DISC1: variants seen among roughly 807,000 people sequenced by gnomAD.
DISC1 encodes the protein disrupted in schizophrenia 1 protein.
Under a neutral mutation model 84.5 loss-of-function variants are expected in DISC1, and 57 were observed. The observed-to-expected ratio is 0.67, with a 90% confidence interval of 0.55 to 0.84. DISC1 has a LOEUF of 0.84. Ranked by LOEUF, DISC1 falls within the 40% of genes least tolerant of loss-of-function variation. The pLI is 0.00. For synonymous variants in DISC1, 411 were observed against 415.2 expected (o/e 0.99, Z 0.12); for missense variants, 1,000 against 1,057.8 (o/e 0.95, Z 0.76).
chr1:231,959,328 A>T (rs1300530544), intron 10 of DISC1: 2 of 985,690 alleles, frequency 2.0e-6, no homozygotes, highest in East Asian at 2.3e-4. Flanking sequence ...CAGCATGAAA[A>T]TTTCTGGTTG....
At chr1:231,984,492 G>A (rs1459689765) in intron 10 of DISC1, among the ~76,000 whole-genome samples, 3 of 152,130 alleles carry the variant, frequency 2.0e-5, no homozygotes, top group East Asian at 3.9e-4. Context: ...ATCCCTAGTG[G>A]ATGGGGGGCG....
chr1:231,670,489 C>T (rs2062505898), intron 1 of DISC1: 2 of 152,216 alleles, frequency 1.3e-5, no homozygotes, highest in Admixed American at 6.5e-5. Flanking sequence ...AGGTGTTCCA[C>T]CTCTAAAATT....
At chr1:232,025,583 A>C in intron 11 of DISC1, among the ~76,000 whole-genome samples, 1 of 149,762 alleles carries the variant, frequency 6.7e-6, no homozygotes, top group African/African-American at 2.5e-5. Context: ...GCAAAAAGAC[A>C]TCATCATCCT....
At chr1:231,798,847 A>G (rs1329864090) in intron 7 of DISC1, among the ~76,000 whole-genome samples, 1 of 152,186 alleles carries the variant, frequency 6.6e-6, no homozygotes, top group African/African-American at 2.4e-5. Context: ...CATGAGAGAA[A>G]GAGTGGAGTA....
intron 9 of DISC1, among the ~76,000 whole-genome samples, chr1:231,948,703 G>C (rs1398239429): frequency 6.6e-6 from 1 of 151,970 alleles, no homozygotes; most frequent in African/African-American, 2.4e-5. Flanking sequence ...AAATCTTTTG[G>C]CCATGTGACT....
intron 3 of DISC1, among the ~76,000 whole-genome samples, chr1:231,704,485 G>A (rs1265777404): frequency 2.6e-5 from 4 of 152,148 alleles, no homozygotes; most frequent in African/African-American, 9.7e-5. Context: ...GGCTGGGCGC[G>A]GTGGCTCATG....
intron 9 of DISC1, among the ~76,000 whole-genome samples, chr1:231,948,522 T>G (rs1657685978): frequency 6.6e-6 from 1 of 151,844 alleles, no homozygotes; most frequent in African/African-American, 2.4e-5. Context: ...GGTTGTTGGG[T>G]GCAGCAAAAC....
chr1:231,911,571 G>C (rs1448038267), intron 9 of DISC1, among the ~76,000 whole-genome samples: 1 of 152,124 alleles, frequency 6.6e-6, no homozygotes, highest in Non-Finnish European at 1.5e-5. Context: ...TTCCCTTTGT[G>C]GGTAACCTGA....
At chr1:231,836,755 C>T (rs2082657174) in intron 9 of DISC1, among the ~76,000 whole-genome samples, 2 of 152,300 alleles carry the variant, frequency 1.3e-5, no homozygotes, top group South Asian at 4.1e-4. Context: ...CAGGACAGCT[C>T]CTCTGACCAC....
At chr1:231,823,396 C>T (rs1467436691) in intron 9 of DISC1, among the ~76,000 whole-genome samples, 1 of 152,058 alleles carries the variant, frequency 6.6e-6, no homozygotes, top group African/African-American at 2.4e-5. Flanking sequence ...GAAGAAAATG[C>T]CAATGTCAAG....
intron 1 of DISC1, among the ~76,000 whole-genome samples, chr1:231,654,839 C>T (rs140814542): frequency 1.1e-4 from 17 of 152,284 alleles, no homozygotes; most frequent in African/African-American, 3.4e-4. Flanking sequence ...ATATTACTTT[C>T]TCACCCTAAT....
intron 11 of DISC1, among the ~76,000 whole-genome samples, chr1:232,010,127 A>G (rs1667898846): frequency 6.6e-6 from 1 of 152,124 alleles, no homozygotes; most frequent in Admixed American, 6.5e-5. Flanking sequence ...GAAAGCAACC[A>G]CTGTCACTCT....
intron 9 of DISC1, among the ~76,000 whole-genome samples, chr1:231,843,714 G>A (rs1031305392): frequency 2.6e-5 from 4 of 152,080 alleles, no homozygotes; most frequent in Admixed American, 2.6e-4. Flanking sequence ...TAGAAGCTTA[G>A]CTTTCTGGCC....
At chr1:231,952,516 G>A (rs2102710053) in intron 9 of DISC1, among the ~76,000 whole-genome samples, 1 of 152,088 alleles carries the variant, frequency 6.6e-6, no homozygotes, top group East Asian at 1.9e-4. Flanking sequence ...TTGAAATGCT[G>A]CAAATAAATA....
chr1:231,974,468 G>T (rs1016637206), intron 10 of DISC1, among the ~76,000 whole-genome samples: 1 of 152,078 alleles, frequency 6.6e-6, no homozygotes, highest in Non-Finnish European at 1.5e-5. Context: ...TAAAAATCTG[G>T]CAAGAGATGT....
chr1:231,805,035 T>C (rs912054790), intron 8 of DISC1, among the ~76,000 whole-genome samples: 3 of 152,202 alleles, frequency 2.0e-5, no homozygotes, highest in African/African-American at 7.2e-5. Flanking sequence ...TAGGTAATTA[T>C]TGATTTTTGG....
intron 9 of DISC1, among the ~76,000 whole-genome samples, chr1:231,836,561 G>T (rs1438652868): frequency 6.6e-6 from 1 of 152,122 alleles, no homozygotes; most frequent in African/African-American, 2.4e-5. Context: ...TATGATTTCG[G>T]ATTCAGGAAG....
chr1:231,937,505 G>A (rs1329318527), intron 9 of DISC1, among the ~76,000 whole-genome samples: 2 of 152,354 alleles, frequency 1.3e-5, no homozygotes, highest in Admixed American at 6.5e-5. Context: ...GGGACAGCAT[G>A]CATGTGGGAT....
chr1:231,767,634 G>C (rs984205746), intron 5 of DISC1, among the ~76,000 whole-genome samples: 1 of 152,188 alleles, frequency 6.6e-6, no homozygotes, highest in African/African-American at 2.4e-5. Context: ...ATGCAGCCAA[G>C]TGGGTCTTTG....
Sources: allele counts gnomAD v4.1 joint callset (sites outside exome capture counted in the v4.1 genomes callset), GRCh38; gene constraint gnomAD v4.1.1; transcripts MANE v1.5; gene names NCBI Gene and HGNC (gene_info 2026-07-23, HGNC 2026-07-21).